Variants in SENP7 observed in about 807,000 individuals in gnomAD.
SENP7 encodes the protein sentrin-specific protease 7.
In SENP7, 64 loss-of-function variants were observed where a neutral mutation model predicts 141.2. The ratio of observed to expected loss-of-function variants is 0.45; its 90% CI spans 0.37 to 0.56. The LOEUF (loss-of-function observed/expected upper bound fraction) is 0.56. SENP7 is among the 20% of genes least tolerant of loss of function. The pLI, the probability that SENP7 is intolerant of heterozygous loss-of-function variation, is 0.00. For missense variants in SENP7, 1,025 were observed against 1,212.2 expected (o/e 0.85, Z 2.29); for synonymous variants, 382 against 426.4 (o/e 0.90, Z 1.28).
intron 13 of SENP7, among the ~76,000 whole-genome samples, chr3:101,344,516 T>A (rs1053487561): frequency 2.0e-5 from 3 of 152,148 alleles, no homozygotes; most frequent in African/African-American, 7.2e-5. Context: ...CTACTTAACA[T>A]CTTTACTGTG....
chr3:101,414,172 T>C, intron 5 of SENP7: 1 of 537,326 alleles, frequency 1.9e-6, no homozygotes, highest in Admixed American at 3.4e-5. Context: ...ATTTAGGGGT[T>C]AAAAATAACT....
intron 3 of SENP7, among the ~76,000 whole-genome samples, chr3:101,490,824 C>G (rs1028527823): frequency 2.6e-5 from 4 of 152,034 alleles, no homozygotes; most frequent in African/African-American, 9.7e-5. Context: ...AGTGGAAATG[C>G]GGCAAGATAC....
At chr3:101,428,512 G>A (rs1387045549) in intron 4 of SENP7, among the ~76,000 whole-genome samples, 1 of 152,150 alleles carries the variant, frequency 6.6e-6, no homozygotes, top group Non-Finnish European at 1.5e-5. Flanking sequence ...AGAAGTGTCT[G>A]TTCATACCCT....
At chr3:101,423,989 T>C (rs1004660052) in intron 4 of SENP7, among the ~76,000 whole-genome samples, 2 of 152,122 alleles carry the variant, frequency 1.3e-5, no homozygotes, top group African/African-American at 2.4e-5. Context: ...CAGCAGAGCA[T>C]GGCCAGTGAG....
intron 18 of SENP7, among the ~76,000 whole-genome samples, chr3:101,332,533 A>T (rs1331218722): frequency 1.2e-4 from 19 of 152,076 alleles, no homozygotes; most frequent in Non-Finnish European, 1.6e-4. Flanking sequence ...CTCAGTCATT[A>T]TAGTCTTGTG....
At chr3:101,380,684 AATAAAAAGC>A (rs2060477787) in intron 6 of SENP7, among the ~76,000 whole-genome samples, 1 of 151,934 alleles carries the variant, frequency 6.6e-6, no homozygotes, top group African/African-American at 2.4e-5. Flanking sequence ...AAGCAGACCA[AATAAAAAGC>A]ATAAAGAAAA....
chr3:101,480,333 AAT>A (rs1184215707), intron 3 of SENP7, among the ~76,000 whole-genome samples: 1 of 152,206 alleles, frequency 6.6e-6, no homozygotes, highest in Non-Finnish European at 1.5e-5. Flanking sequence ...CCCACAGAGC[AAT>A]GGAACAGAAT....
At chr3:101,364,789 G>A (rs774375821) in intron 10 of SENP7, 45 bp downstream of exon 10, 3 of 1,295,830 alleles carry the variant, frequency 2.3e-6, no homozygotes, top group South Asian at 2.8e-5. Context: ...TTAACCAATA[G>A]TGTACATTTC....
At chr3:101,458,905 T>C in intron 4 of SENP7, 50 bp downstream of exon 4, 3 of 1,089,824 alleles carry the variant, frequency 2.8e-6, no homozygotes, top group Non-Finnish European at 4.1e-6. Flanking sequence ...TCATTTATGG[T>C]CAACTTTATA....
At chr3:101,326,457 C>T (rs2058901878) in intron 23 of SENP7, among the ~76,000 whole-genome samples, 1 of 152,118 alleles carries the variant, frequency 6.6e-6, no homozygotes, top group South Asian at 2.1e-4. Context: ...TAGCTGCATA[C>T]TATAACTCTC....
intron 12 of SENP7, among the ~76,000 whole-genome samples, chr3:101,350,407 C>A (rs2059583875): frequency 6.6e-6 from 1 of 152,058 alleles, no homozygotes; most frequent in South Asian, 2.1e-4. Flanking sequence ...AGGTTCCCAC[C>A]TACAAAAACC....
Position 101,459,036 on chromosome 3 carries a change from C to T in SENP7, c.203G>A (p.Arg68Lys). The change falls in exon 4 of 24, where the codon AGG becomes AAG. Residue 68 changes from arginine (R) to lysine (K), a missense_variant. Coordinates refer to ENST00000394095, the MANE Select transcript of SENP7 (RefSeq NM_020654.5). ...TLPLQWERSL[R>K]NKVISLDHKN... ...ATGGTCTAGAGAGATGACTTTATTC[C>T]TTAGGCTTCTTTCCCACTAGGAAAA... 5 of 1,585,754 alleles carry T rather than the reference C, an allele frequency of 3.2e-6. No individual in the cohort carries two copies. The East Asian group carries it at 6.7e-5, about 21-fold the overall frequency.
chr3:101,326,983 A>G (rs765732456), intron 23 of SENP7, among the ~76,000 whole-genome samples: 1 of 151,856 alleles, frequency 6.6e-6, no homozygotes, highest in Non-Finnish European at 1.5e-5. Context: ...ATAAGTTCCT[A>G]ATTTCAGATA....
At chr3:101,406,236 T>C (rs1465752214) in intron 5 of SENP7, among the ~76,000 whole-genome samples, 4 of 152,198 alleles carry the variant, frequency 2.6e-5, no homozygotes, top group Non-Finnish European at 4.4e-5. Flanking sequence ...ATATACACCA[T>C]GGAATACTAT....
At chr3:101,414,380 A>C in intron 5 of SENP7, 1 of 893,384 alleles carries the variant, frequency 1.1e-6, no homozygotes, top group Non-Finnish European at 1.9e-6. Context: ...CAGTGCATCA[A>C]GCACTGCCAT....
intron 5 of SENP7, among the ~76,000 whole-genome samples, chr3:101,406,945 C>T (rs2061323901): frequency 6.6e-6 from 1 of 152,096 alleles, no homozygotes; most frequent in Non-Finnish European, 1.5e-5. Flanking sequence ...AATTATCAGC[C>T]AAGAATTTTG....
chr3:101,342,971 T>C (rs962833867), intron 14 of SENP7, among the ~76,000 whole-genome samples: 1 of 152,128 alleles, frequency 6.6e-6, no homozygotes, highest in Admixed American at 6.6e-5. Flanking sequence ...CGGCCAACCT[T>C]GATACTTCTA....
At chr3:101,460,749 G>A (rs948754248) in intron 3 of SENP7, among the ~76,000 whole-genome samples, 7 of 152,092 alleles carry the variant, frequency 4.6e-5, no homozygotes, top group Admixed American at 6.6e-5. Flanking sequence ...TAGTGAAAAG[G>A]CAACCAACCC....
At chr3:101,463,360 A>T (rs1176224942) in intron 3 of SENP7, among the ~76,000 whole-genome samples, 1 of 46,974 alleles carries the variant, frequency 2.1e-5, no homozygotes, top group Non-Finnish European at 4.3e-5. Context: ...TAAATAAATA[A>T]ATAAATATAT....
Sources: gnomAD v4.1 joint callset for allele counts (sites outside exome capture counted in the v4.1 genomes callset) on GRCh38, gnomAD v4.1.1 for gene constraint, MANE v1.5 for transcripts, NCBI Gene and HGNC (gene_info 2026-07-23, HGNC 2026-07-21) for gene names.